Variants in NF1 observed in about 807,000 individuals in gnomAD.
NF1 encodes neurofibromin.
Under a neutral mutation model 325.7 loss-of-function variants are expected in NF1, and 122 were observed. The observed-to-expected ratio is 0.37, with a 90% CI of 0.32 to 0.44. The LOEUF (loss-of-function observed/expected upper bound fraction) is 0.44, where lower values mean the gene tolerates loss of function less well. NF1 is among the 20% of genes least tolerant of loss of function. The pLI is 1.00. For synonymous variants in NF1, 1,091 were observed against 1,186.0 expected (o/e 0.92, Z 1.65); for missense variants, 2,140 against 3,415.4 (o/e 0.63, Z 9.31).
chr17:31,163,353 A>T lies in NF1; in HGVS notation c.456A>T (p.Ala152=), dbSNP rs377481833. The change falls in exon 4 of 58, where the codon GCA becomes GCT. Residue 152 remains alanine, a synonymous_variant. Transcript: ENST00000358273. ...CTCTCAGCTGCAACAACTTCAATGC[A>T]GTCTTTAGTCGCATTTCTACCAGGT... ...LFSLSCNNFN[A]VFSRISTRLQ... 1.2e-6 allele frequency: 2 copies of T among 1,614,180 alleles called. 1 individual carries two copies. Among genetic ancestry groups the T allele is most frequent in the South Asian group, 2.2e-5 (2 of 91,082 alleles).
In NF1 at chr17:31,336,912, G is replaced by A. The variant is rs876658896; in HGVS notation, c.6425G>A (p.Ser2142Asn). 4 of 1,609,166 alleles carry A rather than the reference G, an allele frequency of 2.5e-6. No homozygotes were observed. The highest frequency in any genetic ancestry group is 3.4e-6 in the Non-Finnish European group (4 of 1,179,948). Residue 2142 changes from serine to asparagine, a missense_variant and splice_region_variant, in exon 42 of 58, where the codon AGT (serine) becomes AAT (asparagine). By Grantham distance (46) the Ser-to-Asn change is conservative. Around this residue, in one of 10 missense-constraint regions of NF1, gnomAD observed 180 missense variants for 435.1 expected, o/e 0.41. Coordinates refer to ENST00000358273, the MANE Select transcript of NF1 (RefSeq NM_001042492.3). This position sits in a 1 kb window ranked among gnomAD's most constrained non-coding sequence, Gnocchi z 5.5. ...TGTACTTGTTCACAGCTTCATTTTA[G>A]TGGTAAGTTCTAGGAAAGGAATTTG... is the stretch of plus-strand genomic sequence containing the variant. Reference protein sequence around the residue: ...SLCTCSQLHFSEETKQVLRLS... With the variant: ...SLCTCSQLHFNEETKQVLRLS...
chr17:31,218,188 T>C (rs967167930), intron 13 of NF1, among the ~76,000 whole-genome samples: 2 of 152,188 alleles, frequency 1.3e-5, no homozygotes, highest in Non-Finnish European at 2.9e-5. Context: ...ATCACAATCA[T>C]GTATAAGCTC....
intron 14 of NF1, among the ~76,000 whole-genome samples, chr17:31,220,963 C>T (rs1192011709): frequency 2.0e-5 from 3 of 152,000 alleles, no homozygotes; most frequent in Non-Finnish European, 4.4e-5. Flanking sequence ...TTGCAATTTT[C>T]ATTAAATATC....
intron 11 of NF1, 37 bp downstream of exon 11, chr17:31,201,522 T>A (rs766487210): frequency 3.1e-5 from 47 of 1,496,160 alleles, no homozygotes; most frequent in Middle Eastern, 3.4e-4. Context: ...ACTAAAAAAA[T>A]TTTTTTCTTT....
intron 36 of NF1, among the ~76,000 whole-genome samples, chr17:31,280,227 A>ATTTTT (rs1567871983): frequency 2.7e-5 from 4 of 149,436 alleles, no homozygotes; most frequent in African/African-American, 1.0e-4. Flanking sequence ...TTTTTTTTAA[A>ATTTTT]AAAGAAAGAA....
intron 1 of NF1, among the ~76,000 whole-genome samples, chr17:31,126,830 T>TA (rs1432196990): frequency 2.6e-5 from 4 of 152,214 alleles, no homozygotes; most frequent in African/African-American, 9.7e-5. Context: ...TTCTTGATCT[T>TA]ACTGCAGCTG....
chr17:31,228,937 A>G (rs1948543389), intron 20 of NF1, 88 bp from the exon 21 acceptor site: 25 of 1,051,314 alleles, frequency 2.4e-5, no homozygotes, highest in Non-Finnish European at 3.5e-5. Flanking sequence ...TACTTTTGTC[A>G]TGGAAGAAAT....
In NF1 at chr17:31,143,078, C is replaced by A. The variant is rs191983358; in HGVS notation, c.61-12905C>A. On this transcript the variant is annotated intron_variant, in intron 1 of 57. Coordinates refer to ENST00000358273, the MANE Select transcript of NF1 (RefSeq NM_001042492.3). ...CCGTTTGTTTCTTTATTAGCAGTGT[C>A]TTTTTGTTATAGAATTTATACATTT... Among the ~76,000 whole-genome samples, 492 of 152,004 alleles carry A rather than the reference C, an allele frequency of 3.2e-3. 2 individuals are homozygous for A. The highest frequency in any genetic ancestry group is 0.011 in the African/African-American group (469 of 41,474).
At chr17:31,231,068 A>T (rs2067105776) in intron 24 of NF1, 143 bp downstream of exon 24, 1 of 668,916 alleles carries the variant, frequency 1.5e-6, no homozygotes. Context: ...TAAAGATGCT[A>T]ATCTTTATTA....
intron 14 of NF1, 86 bp downstream of exon 14, chr17:31,219,204 G>C: frequency 7.3e-7 from 1 of 1,370,696 alleles, no homozygotes; most frequent in Non-Finnish European, 1.0e-6. Context: ...TGGTTTCTGT[G>C]AGTAACAGGT....
chr17:31,295,236 T>G (rs765222455), intron 36 of NF1: 39 of 1,613,966 alleles, frequency 2.4e-5, no homozygotes, highest in Non-Finnish European at 3.2e-5. Context: ...CTAGTGAGGC[T>G]TGTGTTTGTG....
chr17:31,353,328 A>G (rs1350238867), intron 51 of NF1, among the ~76,000 whole-genome samples: 2 of 152,244 alleles, frequency 1.3e-5, no homozygotes, highest in Non-Finnish European at 2.9e-5. Flanking sequence ...AACTGAAAGT[A>G]AATGAATGAA....
At chr17:31,230,194 G>C (rs2151431301) in intron 22 of NF1, 66 bp from the exon 23 acceptor site, 3 of 1,556,276 alleles carry the variant, frequency 1.9e-6, no homozygotes, top group Non-Finnish European at 2.6e-6. Flanking sequence ...GATGACTAAA[G>C]TATTTAGAAT....
At chr17:31,122,177 A>G (rs973403973) in intron 1 of NF1, among the ~76,000 whole-genome samples, 2 of 152,174 alleles carry the variant, frequency 1.3e-5, no homozygotes, top group African/African-American at 4.8e-5. Context: ...AATTGTTATA[A>G]TAGGGATGAT....
intron 1 of NF1, among the ~76,000 whole-genome samples, chr17:31,125,444 A>G (rs1255737652): frequency 1.3e-5 from 2 of 152,072 alleles, no homozygotes; most frequent in Non-Finnish European, 2.9e-5. Flanking sequence ...AATTTGAAGT[A>G]TATGTCTGGG....
intron 24 of NF1, among the ~76,000 whole-genome samples, chr17:31,231,315 GA>G (rs1191939777): frequency 6.6e-6 from 1 of 151,624 alleles, no homozygotes; most frequent in Non-Finnish European, 1.5e-5. Flanking sequence ...ACCAGAGACA[GA>G]AAAAAAAGGA....
chr17:31,142,139 A>G (rs1916264865), intron 1 of NF1, among the ~76,000 whole-genome samples: 1 of 152,206 alleles, frequency 6.6e-6, no homozygotes. Context: ...GCTTAATGTT[A>G]TGCCTTCTTT....
chr17:31,258,211 A>G, intron 31 of NF1, 133 bp from the exon 32 acceptor site: 1 of 927,876 alleles, frequency 1.1e-6, no homozygotes, highest in East Asian at 2.5e-5. Context: ...GAGAAGAAAA[A>G]AATAGAAATA....
intron 36 of NF1, among the ~76,000 whole-genome samples, chr17:31,317,368 A>AACACACACACACACACACAC (rs3138611): frequency 6.9e-6 from 1 of 144,562 alleles, no homozygotes; most frequent in East Asian, 2.0e-4. Flanking sequence ...TCCAGATTTG[A>AACACACACACACACACACAC]ACACACACAC....
Sources: gnomAD v4.1 joint callset for allele counts (sites outside exome capture counted in the v4.1 genomes callset) on GRCh38, gnomAD v4.1.1 for gene constraint, gnomAD v4.1.1 regional missense constraint, Gnocchi (gnomAD v3.1) non-coding constraint, MANE v1.5 for transcripts, NCBI Gene and HGNC (gene_info 2026-07-23, HGNC 2026-07-21) for gene names.